The following DNMT3A variants were observed in gnomAD, a reference collection of about 807,000 sequenced individuals.
DNMT3A encodes DNA methyltransferase 3 alpha, also known as DNA (cytosine-5)-methyltransferase 3A.
In DNMT3A, 267 loss-of-function variants were observed where a neutral mutation model predicts 117.6. The ratio of observed to expected loss-of-function variants is 2.27; its 90% CI spans 2.05 to 2.51. DNMT3A has a LOEUF of 2.51. Among genes scored for constraint, DNMT3A ranks in the 30% most tolerant of loss-of-function variants. The pLI is 0.00. For missense variants in DNMT3A, 1,029 were observed against 1,260.2 expected, an observed-to-expected ratio of 0.82 and a Z score of 2.78; for synonymous variants, 432 against 474.8, an observed-to-expected ratio of 0.91 and a Z score of 1.17.
intron 4 of DNMT3A, among the ~76,000 whole-genome samples, chr2:25,280,134 G>A (rs565932017): frequency 2.0e-5 from 3 of 152,184 alleles, no homozygotes; most frequent in Admixed American, 2.0e-4. Flanking sequence ...CACCTCTCAT[G>A]TTCCTGGCAT....
rs1390745466 is a variant in DNMT3A at position 25,275,004 on chromosome 2, C to T, written c.576G>A (p.Ala192=). ...QRPMPRLTFQ[A]GDPYYISKRK... is the part of the protein sequence containing the mutation. The stretch of plus-strand genomic sequence containing the variant: ...GCTTGCTGATGTAGTAGGGGTCCCC[C>T]GCCTGGAAGGTGAGCCTCGGCATGG... Residue 192 remains alanine (A), a synonymous_variant, in exon 6 of 23, where the codon GCG becomes GCA. Transcript: ENST00000321117. The T allele has an allele frequency of 2.7e-5, 44 of 1,613,544 alleles. No homozygotes were observed. Among genetic ancestry groups the T allele is most frequent in the Admixed American group, 8.3e-5 (5 of 59,980 alleles).
chr2:25,271,078 T>A (rs557230805), intron 6 of DNMT3A, among the ~76,000 whole-genome samples: 5 of 151,838 alleles, frequency 3.3e-5, no homozygotes, highest in Middle Eastern at 3.4e-3. Context: ...GGTGCAGTGA[T>A]TCATGCCTGT....
In DNMT3A at chr2:25,244,204, C is replaced by T. The variant is rs941325374; in HGVS notation, c.1802G>A (p.Trp601Ter). 8 of 1,613,906 alleles carry T rather than the reference C, an allele frequency of 5.0e-6. No individual in the cohort carries two copies. The highest frequency in any genetic ancestry group is 5.9e-6 in the Non-Finnish European group (7 of 1,180,022). ...TYGLLRRREDWPSRLQMFFAN... is the reference protein window; with the variant it reads ...TYGLLRRRED The stretch of plus-strand genomic sequence containing the variant: ...GAAGAACATCTGGAGCCGGGAGGGC[C>T]AGTCCTCTCGCCGCCGCAGCAGCCC... The change falls in exon 15 of 23, where the codon TGG (tryptophan) becomes TAG (stop). Residue 601 changes from tryptophan (W) to a stop codon, truncating the protein, a stop_gained. Transcript: ENST00000321117. LOFTEE classifies it high-confidence loss of function.
At chr2:25,239,345 C>T in intron 19 of DNMT3A, 130 bp from the exon 20 acceptor site, 1 of 756,850 alleles carries the variant, frequency 1.3e-6, no homozygotes, top group Non-Finnish European at 2.3e-6. Context: ...ACTGGGCTAG[C>T]CTGCAGCCTC....
rs1672999883 is a variant in DNMT3A, at chr2:25,233,619, T to C, written c.*660A>G. On this transcript the variant is annotated 3_prime_UTR_variant, in exon 23 of 23. Coordinates refer to ENST00000321117, the MANE Select transcript of DNMT3A (RefSeq NM_022552.5). Reference sequence around the variant, plus strand: ...TCTCGTCTCCCTGCTGCTAACTGGGTTCTGTTTTGCGTGACCAGGAATGGT... The same window carrying C: ...TCTCGTCTCCCTGCTGCTAACTGGGCTCTGTTTTGCGTGACCAGGAATGGT... The C allele has an allele frequency of 4.3e-6, 1 of 233,224 alleles. No individual in the cohort carries two copies. Among genetic ancestry groups the C allele is most frequent in the Admixed American group, 5.6e-5 (1 of 17,732 alleles). The allele number at this position is 233,224 out of a possible 1,614,324, so 14.4% of individuals were successfully genotyped here.
At chr2:25,299,273 A>G (rs2033280926) in intron 3 of DNMT3A, among the ~76,000 whole-genome samples, 1 of 152,136 alleles carries the variant, frequency 6.6e-6, no homozygotes, top group Non-Finnish European at 1.5e-5. Context: ...GGTTCCCAGA[A>G]GCCTGGCGCT....
intron 6 of DNMT3A, among the ~76,000 whole-genome samples, chr2:25,262,872 A>C (rs923753917): frequency 1.2e-4 from 19 of 152,108 alleles, no homozygotes; most frequent in African/African-American, 4.6e-4. Flanking sequence ...ACTACTCCCT[A>C]AACAACCCAG....
intron 1 of DNMT3A, among the ~76,000 whole-genome samples, chr2:25,336,857 G>A (rs2035236236): frequency 6.6e-6 from 1 of 152,136 alleles, no homozygotes; most frequent in Non-Finnish European, 1.5e-5. Context: ...GCTCTGGGGC[G>A]CTTCTGAGAT....
At chr2:25,310,482 A>C (rs1573475132) in intron 2 of DNMT3A, among the ~76,000 whole-genome samples, 1 of 152,206 alleles carries the variant, frequency 6.6e-6, no homozygotes, top group East Asian at 1.9e-4. Context: ...CGGGTAGGGC[A>C]GGCGGCAGGT....
At chr2:25,295,429 G>A (rs2033033221) in intron 3 of DNMT3A, among the ~76,000 whole-genome samples, 1 of 152,240 alleles carries the variant, frequency 6.6e-6, no homozygotes, top group Non-Finnish European at 1.5e-5. Context: ...GGCCGTTGCC[G>A]ATTTTAAGCA....
At chr2:25,308,968 T>TACACACCCACAC (rs2033928426) in intron 2 of DNMT3A, among the ~76,000 whole-genome samples, 1 of 144,046 alleles carries the variant, frequency 6.9e-6, no homozygotes. Flanking sequence ...CACAGATGCA[T>TACACACCCACAC]ACACACACAC....
intron 1 of DNMT3A, 32 bp from the exon 2 acceptor site, chr2:25,314,193 G>C (rs2034270545): frequency 7.1e-7 from 1 of 1,410,138 alleles, no homozygotes; most frequent in Non-Finnish European, 9.2e-7. Context: ...CAGTGGGGCG[G>C]AGCACCCCAC....
chr2:25,228,514 C>T lies in DNMT3A; in HGVS notation c.*5765G>A, dbSNP rs1390191476. The T allele has an allele frequency of 2.0e-5, 3 of 152,078 alleles. No individual in the cohort carries two copies. The highest frequency in any genetic ancestry group is 4.8e-5 in the African/African-American group (2 of 41,498). 9.4% of individuals were successfully genotyped at this position (152,078 alleles called of 1,614,324 possible). On this transcript the variant is annotated 3_prime_UTR_variant, in exon 23 of 23. Transcript: ENST00000321117. The stretch of plus-strand genomic sequence containing the variant: ...TGATTTCCCACAAATAAGTAAGCAC[C>T]CGCTACTTCAATGCCTCAGCTAAAA...
intron 1 of DNMT3A, among the ~76,000 whole-genome samples, chr2:25,331,732 C>G (rs1558747906): frequency 6.6e-6 from 1 of 152,218 alleles, no homozygotes; most frequent in Non-Finnish European, 1.5e-5. Flanking sequence ...ACCTGCCTTT[C>G]TCATCCATCG....
intron 16 of DNMT3A, among the ~76,000 whole-genome samples, chr2:25,243,673 C>T (rs1674346093): frequency 6.6e-6 from 1 of 152,234 alleles, no homozygotes; most frequent in Non-Finnish European, 1.5e-5. Flanking sequence ...AAGGAAGCGC[C>T]CAGCAGGCAG....
In DNMT3A at chr2:25,229,134, C is replaced by G. The variant is rs1440106257; in HGVS notation, c.*5145G>C. 1.3e-5 allele frequency: 2 copies of G among 152,258 alleles called. No individual in the cohort carries two copies. The highest frequency in any genetic ancestry group is 1.3e-4 in the Admixed American group (2 of 15,286). 9.4% of individuals were successfully genotyped at this position (152,258 alleles called of 1,614,324 possible). A position where few individuals can be genotyped will look rare whatever the true frequency, so the allele number is the denominator to read the frequency against. On this transcript the variant is annotated 3_prime_UTR_variant, in exon 23 of 23. Transcript: ENST00000321117. ...CCACCTTAGCTGGGTCTCGGAAACA[C>G]AGAGGCAAGGTTCCCCAACTCGATC...
intron 6 of DNMT3A, among the ~76,000 whole-genome samples, chr2:25,264,116 G>A (rs149781642): frequency 7.4e-6 from 1 of 134,814 alleles, no homozygotes; most frequent in East Asian, 2.4e-4. Flanking sequence ...CTCAGTAAAG[G>A]CTGGACAACC....
chr2:25,264,592 C>G (rs11890077), intron 6 of DNMT3A, among the ~76,000 whole-genome samples: 38,495 of 151,418 alleles, frequency 0.25, 5,145 homozygotes, highest in East Asian at 0.4. Context: ...CTCAGCCTCC[C>G]GAGTAGCTGG....
At chr2:25,300,568 T>G (rs1573455536) in intron 2 of DNMT3A, among the ~76,000 whole-genome samples, 1 of 143,714 alleles carries the variant, frequency 7.0e-6, no homozygotes, top group East Asian at 2.1e-4. Flanking sequence ...ATAGTGAGAC[T>G]CCATCTCTAT....
Sources: gnomAD v4.1 joint callset for allele counts (sites outside exome capture counted in the v4.1 genomes callset) on GRCh38, gnomAD v4.1.1 for gene constraint, MANE v1.5 for transcripts, NCBI Gene and HGNC (gene_info 2026-07-23, HGNC 2026-07-21) for gene names.